Variants in PELI2 observed in about 807,000 individuals in gnomAD.
The protein encoded by PELI2 is pellino E3 ubiquitin protein ligase family member 2, also known as E3 ubiquitin-protein ligase pellino homolog 2.
Under a neutral mutation model 42.3 loss-of-function variants are expected in PELI2, and 23 were observed. That is an observed-to-expected ratio of 0.54 (90% confidence interval 0.39 to 0.77). The LOEUF is 0.77. Ranked by LOEUF, PELI2 falls within the 30% of genes least tolerant of loss-of-function variation. The probability of loss-of-function intolerance (pLI) is 0.00; values close to 1 mark genes in which losing one functional copy is unlikely to be tolerated. For synonymous variants in PELI2, 245 were observed against 212.2 expected, an observed-to-expected ratio of 1.15 and a Z score of -1.34; for missense variants, 463 against 553.2, an observed-to-expected ratio of 0.84 and a Z score of 1.64.
Position 56,279,699 on chromosome 14 carries a change from C to T in PELI2, c.231C>T (p.His77=). 6.3e-7 allele frequency: 1 copy of T among 1,593,334 alleles called. No homozygotes were observed. The highest frequency in any genetic ancestry group is 8.6e-7 in the Non-Finnish European group (1 of 1,162,732). Residue 77 remains histidine (H), a synonymous_variant, in exon 3 of 6, where the codon CAC becomes CAT. Transcript: ENST00000267460. Reference sequence around the variant, plus strand: ...AGGCTATCAGCTGCAAAGGTCAACACAGTATATCCTACACTTTGTCAAGGA... The same window carrying T: ...AGGCTATCAGCTGCAAAGGTCAACATAGTATATCCTACACTTTGTCAAGGA... The part of the protein sequence containing the change: ...ASKAISCKGQ[H]SISYTLSRNQ...
intron 2 of PELI2, among the ~76,000 whole-genome samples, chr14:56,247,112 A>C (rs1163520502): frequency 6.6e-6 from 1 of 152,102 alleles, no homozygotes; most frequent in Non-Finnish European, 1.5e-5. Context: ...TGTGTCTGGT[A>C]CACAGCAAGT....
chr14:56,178,202 C>T (rs1196343361), intron 1 of PELI2, 133 bp from the exon 2 acceptor site: 1 of 801,854 alleles, frequency 1.2e-6, no homozygotes, highest in Admixed American at 2.7e-5. Flanking sequence ...GCAACCCTTT[C>T]CTTTTGTGGA....
chr14:56,174,392 A>G (rs1885294691), intron 1 of PELI2, among the ~76,000 whole-genome samples: 1 of 152,212 alleles, frequency 6.6e-6, no homozygotes, highest in African/African-American at 2.4e-5. Flanking sequence ...CCATTTGCTT[A>G]AATCTTACCA....
At chr14:56,212,378 G>A (rs900891268) in intron 2 of PELI2, among the ~76,000 whole-genome samples, 1 of 152,208 alleles carries the variant, frequency 6.6e-6, no homozygotes, top group Admixed American at 6.5e-5. Flanking sequence ...CTGACTTTCA[G>A]TTGATCACTG....
intron 1 of PELI2, among the ~76,000 whole-genome samples, chr14:56,120,428 G>C (rs982838808): frequency 6.6e-6 from 1 of 152,198 alleles, no homozygotes; most frequent in African/African-American, 2.4e-5. Flanking sequence ...TGGAAGTGCA[G>C]GGCATTCCGA....
chr14:56,152,742 C>T (rs1884410665), intron 1 of PELI2, among the ~76,000 whole-genome samples: 1 of 152,012 alleles, frequency 6.6e-6, no homozygotes, highest in South Asian at 2.1e-4. Flanking sequence ...CTATTTATAA[C>T]CAAATTAGTT....
At chr14:56,221,662 C>G (rs1426254096) in intron 2 of PELI2, among the ~76,000 whole-genome samples, 1 of 151,694 alleles carries the variant, frequency 6.6e-6, no homozygotes, top group Non-Finnish European at 1.5e-5. Context: ...TGTAGATGCT[C>G]AAAGGGAAAT....
At chr14:56,167,233 T>C (rs969155598) in intron 1 of PELI2, among the ~76,000 whole-genome samples, 31 of 152,228 alleles carry the variant, frequency 2.0e-4, no homozygotes, top group African/African-American at 7.5e-4. Flanking sequence ...GGGAGTACTC[T>C]GTTATTATCC....
intron 1 of PELI2, among the ~76,000 whole-genome samples, chr14:56,158,681 C>T (rs544827551): frequency 6.6e-6 from 1 of 152,220 alleles, no homozygotes; most frequent in East Asian, 1.9e-4. Context: ...AGACTTCTTA[C>T]TATAGTAGAA....
At chr14:56,142,821 A>C (rs911643526) in intron 1 of PELI2, among the ~76,000 whole-genome samples, 1 of 152,246 alleles carries the variant, frequency 6.6e-6, no homozygotes, top group East Asian at 1.9e-4. Context: ...AAATTATAGG[A>C]CCAGATTTAG....
chr14:56,293,504 G>C, intron 5 of PELI2, among the ~76,000 whole-genome samples: 1 of 28,698 alleles, frequency 3.5e-5, no homozygotes, highest in East Asian at 3.9e-4. Flanking sequence ...TAGGACTGTT[G>C]TGAGAACTAA....
At chr14:56,194,259 C>T (rs1303893515) in intron 2 of PELI2, among the ~76,000 whole-genome samples, 1 of 152,172 alleles carries the variant, frequency 6.6e-6, no homozygotes, top group Non-Finnish European at 1.5e-5. Context: ...TCAGGTGCCC[C>T]TGTTCCTGTC....
At chr14:56,263,849 A>G (rs1185545399) in intron 2 of PELI2, among the ~76,000 whole-genome samples, 2 of 152,066 alleles carry the variant, frequency 1.3e-5, no homozygotes, top group African/African-American at 2.4e-5. Flanking sequence ...GATCATATAA[A>G]ATACAGGTAA....
Position 56,273,358 on chromosome 14 carries a change from C to T in PELI2, c.208-6318C>T, listed in dbSNP as rs1889170754. Among the ~76,000 whole-genome samples the T allele has an allele frequency of 6.6e-6, 1 of 152,186 alleles. No homozygotes were observed. The highest frequency in any genetic ancestry group is 1.5e-5 in the Non-Finnish European group (1 of 68,038). ...CTTTCCTGACCTAGTATCAGAAGTC[C>T]CATGTGTCACATCCACGGCATTCTC... is the stretch of plus-strand genomic sequence containing the variant. On this transcript the variant is annotated intron_variant, in intron 2 of 5. Transcript: ENST00000267460. The surrounding 1 kb of genome is among the most constrained non-coding windows in gnomAD (Gnocchi z 4.3).
chr14:56,120,790 C>T (rs1883032760), intron 1 of PELI2, among the ~76,000 whole-genome samples: 1 of 152,150 alleles, frequency 6.6e-6, no homozygotes, highest in Admixed American at 6.5e-5. Flanking sequence ...TGGAGAGTGA[C>T]TGCTTAGGTG....
chr14:56,152,070 G>A (rs963989066), intron 1 of PELI2, among the ~76,000 whole-genome samples: 1 of 152,164 alleles, frequency 6.6e-6, no homozygotes, highest in Admixed American at 6.5e-5. Flanking sequence ...CAGCATTCAG[G>A]GAAGAGAAAG....
chr14:56,153,394 GT>G (rs1386722553), intron 1 of PELI2, among the ~76,000 whole-genome samples: 2 of 152,158 alleles, frequency 1.3e-5, no homozygotes, highest in African/African-American at 4.8e-5. Context: ...TTACTACCCT[GT>G]TCAGCTAGAG....
intron 2 of PELI2, among the ~76,000 whole-genome samples, chr14:56,274,295 T>C (rs560756308): frequency 6.6e-6 from 1 of 152,352 alleles, no homozygotes; most frequent in African/African-American, 2.4e-5. Flanking sequence ...AGCAGCCTTA[T>C]AGAGCTTGAA....
At chr14:56,213,584 A>C (rs146456915) in intron 2 of PELI2, among the ~76,000 whole-genome samples, 2 of 152,186 alleles carry the variant, frequency 1.3e-5, no homozygotes, top group African/African-American at 4.8e-5. Context: ...GCAGTTTGAC[A>C]GTTTCATTGT....
Sources: gnomAD v4.1 joint callset for allele counts (sites outside exome capture counted in the v4.1 genomes callset) on GRCh38, gnomAD v4.1.1 for gene constraint, Gnocchi (gnomAD v3.1) non-coding constraint, MANE v1.5 for transcripts, NCBI Gene and HGNC (gene_info 2026-07-23, HGNC 2026-07-21) for gene names.